The following RBFOX1 variants were observed in gnomAD, a reference collection of about 807,000 sequenced individuals.
RBFOX1 encodes RNA binding fox-1 homolog 1.
In RBFOX1, 8 loss-of-function variants were observed where a neutral mutation model predicts 57.7. The observed-to-expected ratio is 0.14, with a 90% confidence interval of 0.08 to 0.25. The LOEUF (loss-of-function observed/expected upper bound fraction) is 0.25. Ranked by LOEUF, RBFOX1 falls within the 10% of genes least tolerant of loss-of-function variation. RBFOX1 has a pLI of 1.00. For missense variants in RBFOX1, 611 were observed against 548.5 expected (o/e 1.11, Z -1.14); for synonymous variants, 326 against 222.4 (o/e 1.47, Z -4.15).
At chr16:6,536,121 C>A (rs188603094) in intron 2 of RBFOX1, among the ~76,000 whole-genome samples, 4 of 152,218 alleles carry the variant, frequency 2.6e-5, no homozygotes, top group Admixed American at 2.6e-4. Context: ...AGTATTGATA[C>A]CCAGGTGATT....
At chr16:6,387,488 C>G (rs1031641663) in intron 2 of RBFOX1, among the ~76,000 whole-genome samples, 11 of 137,436 alleles carry the variant, frequency 8.0e-5, no homozygotes, top group Admixed American at 5.2e-4. Context: ...AAAAAAAAAC[C>G]TTTTGAAGAG....
At chr16:6,730,427 A>ATATC (rs71145284) in intron 3 of RBFOX1, among the ~76,000 whole-genome samples, 137,548 of 151,942 alleles carry the variant, frequency 0.91, 63,887 homozygotes, top group East Asian at 1. Flanking sequence ...TATCTCATCT[A>ATATC]TATCTAATCT....
At chr16:6,556,780 T>C (rs948845368) in intron 2 of RBFOX1, among the ~76,000 whole-genome samples, 3 of 152,040 alleles carry the variant, frequency 2.0e-5, no homozygotes, top group African/African-American at 7.2e-5. Flanking sequence ...AAATTTCTTA[T>C]GACTTAGACC....
At chr16:6,494,301 C>A (rs2095706791) in intron 2 of RBFOX1, among the ~76,000 whole-genome samples, 2 of 152,182 alleles carry the variant, frequency 1.3e-5, no homozygotes, top group African/African-American at 4.8e-5. Flanking sequence ...TCTGTATCCA[C>A]CGCCACAGGT....
chr16:7,227,205 C>T (rs1440921317), intron 4 of RBFOX1, among the ~76,000 whole-genome samples: 1 of 151,858 alleles, frequency 6.6e-6, no homozygotes, highest in African/African-American at 2.4e-5. Flanking sequence ...TTCCATTCTT[C>T]TTTAACTGTT....
chr16:6,349,414 C>T (rs2085908495), intron 2 of RBFOX1, among the ~76,000 whole-genome samples: 1 of 152,104 alleles, frequency 6.6e-6, no homozygotes, highest in South Asian at 2.1e-4. Context: ...AAAAAATCAT[C>T]GAGATACGAA....
intron 4 of RBFOX1, among the ~76,000 whole-genome samples, chr16:5,966,390 A>C (rs2059843844): frequency 6.6e-6 from 1 of 152,188 alleles, no homozygotes; most frequent in East Asian, 1.9e-4. Flanking sequence ...AGGCAACATG[A>C]GGGCTGACGG....
At chr16:5,297,848 A>G (rs1453449624) in intron 1 of RBFOX1, among the ~76,000 whole-genome samples, 6 of 152,254 alleles carry the variant, frequency 3.9e-5, no homozygotes, top group Non-Finnish European at 8.8e-5. Context: ...TGAAACACTT[A>G]TTCCCTTTTA....
In RBFOX1 at chr16:6,236,581, C is replaced by T. The variant is rs374245934; in HGVS notation, c.-126-80414C>T. Among the ~76,000 whole-genome samples the T allele has an allele frequency of 1.1e-4, 16 of 152,022 alleles. No individual in the cohort carries two copies. In the East Asian group the frequency reaches 1.5e-3, roughly 15 times the overall value. ...ACCCAAGTAGCAGGGATTACAGGCACGTGTCACCATGCCTGGCTAATTTGT... is the reference window on the plus strand; with the variant it reads ...ACCCAAGTAGCAGGGATTACAGGCATGTGTCACCATGCCTGGCTAATTTGT... On this transcript the variant is annotated intron_variant, in intron 1 of 15. Coordinates refer to ENST00000550418, the MANE Select transcript of RBFOX1 (RefSeq NM_018723.4).
intron 1 of RBFOX1, among the ~76,000 whole-genome samples, chr16:5,346,224 C>A (rs1385448461): frequency 6.6e-6 from 1 of 152,134 alleles, no homozygotes; most frequent in Non-Finnish European, 1.5e-5. Flanking sequence ...GCAAATCTAC[C>A]TCTCCAGTCT....
intron 4 of RBFOX1, among the ~76,000 whole-genome samples, chr16:7,062,893 A>ATTTTTTTTTTTTTTTTTTTTTTTTTTTT (rs1170936027): frequency 4.2e-5 from 2 of 47,312 alleles, no homozygotes; most frequent in Admixed American, 3.0e-4. Context: ...AATGATCGCC[A>ATTTTTTTTTTTTTTTTTTTTTTTTTTTT]TTTTTTTTTT....
chr16:5,974,388 C>A (rs1309935651), intron 4 of RBFOX1, among the ~76,000 whole-genome samples: 3 of 152,066 alleles, frequency 2.0e-5, no homozygotes, highest in Admixed American at 6.5e-5. Flanking sequence ...GCGGGTAGAT[C>A]ATTTGAGGTC....
At chr16:7,323,579 G>C (rs990283690) in intron 4 of RBFOX1, among the ~76,000 whole-genome samples, 1 of 152,264 alleles carries the variant, frequency 6.6e-6, no homozygotes, top group African/African-American at 2.4e-5. Context: ...GGATAGCTCT[G>C]TGTTTGACTA....
intron 2 of RBFOX1, among the ~76,000 whole-genome samples, chr16:6,395,056 AG>A (rs2092767621): frequency 6.6e-6 from 1 of 152,202 alleles, no homozygotes; most frequent in African/African-American, 2.4e-5. Context: ...TAGGTGGTAT[AG>A]GCAATATTCT....
chr16:6,141,051 G>A (rs961059158), intron 1 of RBFOX1, among the ~76,000 whole-genome samples: 3 of 152,156 alleles, frequency 2.0e-5, no homozygotes, highest in East Asian at 1.9e-4. Flanking sequence ...GGAGCTCTGC[G>A]TCATTTTCAT....
chr16:5,289,539 A>T, intron 1 of RBFOX1: 1 of 183,214 alleles, frequency 5.5e-6, no homozygotes, highest in Non-Finnish European at 1.1e-5. Context: ...GATTTGTCTA[A>T]ATCTGTGGTA....
intron 4 of RBFOX1, among the ~76,000 whole-genome samples, chr16:5,878,952 G>C (rs143768792): frequency 1.3e-5 from 2 of 152,114 alleles, no homozygotes; most frequent in African/African-American, 4.8e-5. Flanking sequence ...AACATCTGAC[G>C]CGTTTTACAT....
chr16:7,614,194 A>G (rs1385802137), intron 10 of RBFOX1: 2 of 152,240 alleles, frequency 1.3e-5, no homozygotes, highest in East Asian at 1.9e-4. Context: ...ATTCAAATGC[A>G]GTGCACTTCA....
intron 3 of RBFOX1, among the ~76,000 whole-genome samples, chr16:6,771,626 G>A (rs552406788): frequency 1.3e-3 from 193 of 152,294 alleles, no homozygotes; most frequent in African/African-American, 4.5e-3. Flanking sequence ...CTCAACTGTG[G>A]ACAATTTTGC....
Sources: gnomAD v4.1 joint callset for allele counts (sites outside exome capture counted in the v4.1 genomes callset) on GRCh38, gnomAD v4.1.1 for gene constraint, MANE v1.5 for transcripts, NCBI Gene and HGNC (gene_info 2026-07-23, HGNC 2026-07-21) for gene names.